The following ZNF521 variants were observed in gnomAD, a reference collection of about 807,000 sequenced individuals.
ZNF521 encodes the protein zinc finger protein 521, also known as LYST-interacting protein 3.
Under a neutral mutation model 105.5 loss-of-function variants are expected in ZNF521, and 14 were observed. That is an observed-to-expected ratio of 0.13 (90% CI 0.09 to 0.21). ZNF521 has a LOEUF of 0.21. ZNF521 is among the 10% of genes least tolerant of loss of function. The pLI is 1.00. For missense variants in ZNF521, 1,233 were observed against 1,629.7 expected (o/e 0.76, Z 4.19); for synonymous variants, 635 against 606.0 (o/e 1.05, Z -0.70).
intron 4 of ZNF521, among the ~76,000 whole-genome samples, chr18:25,217,719 A>T (rs929664975): frequency 1.3e-5 from 2 of 152,234 alleles, no homozygotes; most frequent in Non-Finnish European, 2.9e-5. Flanking sequence ...CAAGAATATG[A>T]GACTGAGTAA....
intron 7 of ZNF521, among the ~76,000 whole-genome samples, chr18:25,067,867 G>C (rs911520537): frequency 2.6e-5 from 4 of 152,018 alleles, no homozygotes; most frequent in Admixed American, 6.6e-5. Flanking sequence ...AAAATGTTAC[G>C]TATCAGTGGT....
intron 3 of ZNF521, among the ~76,000 whole-genome samples, chr18:25,246,885 T>TG (rs1444295379): frequency 3.3e-5 from 5 of 152,168 alleles, no homozygotes; most frequent in Non-Finnish European, 7.3e-5. Context: ...CAGAAGGGGT[T>TG]CCATAGTGCT....
intron 5 of ZNF521, among the ~76,000 whole-genome samples, chr18:25,162,079 A>G (rs945763755): frequency 6.6e-6 from 1 of 152,154 alleles, no homozygotes; most frequent in Non-Finnish European, 1.5e-5. Flanking sequence ...GAGAAACTCC[A>G]TTGCTGGGTC....
At chr18:25,170,383 A>G (rs1442244011) in intron 5 of ZNF521, among the ~76,000 whole-genome samples, 1 of 151,944 alleles carries the variant, frequency 6.6e-6, no homozygotes, top group East Asian at 1.9e-4. Flanking sequence ...CTGACTTCCC[A>G]TTAGAGTTTT....
intron 7 of ZNF521, among the ~76,000 whole-genome samples, chr18:25,072,426 T>C (rs544167630): frequency 1.5e-4 from 23 of 152,214 alleles, no homozygotes; most frequent in South Asian, 8.3e-4. Context: ...AGTAGTAAAA[T>C]TGTAGTTGCA....
intron 2 of ZNF521, among the ~76,000 whole-genome samples, chr18:25,330,172 CTTTTTT>C (rs1389513732): frequency 3.0e-5 from 4 of 135,288 alleles, no homozygotes; most frequent in Admixed American, 1.5e-4. Context: ...TTTTCTTTTT[CTTTTTT>C]TTTTGAGACA....
intron 3 of ZNF521, among the ~76,000 whole-genome samples, chr18:25,276,449 C>T (rs187056209): frequency 5.9e-5 from 9 of 152,216 alleles, no homozygotes; most frequent in Admixed American, 5.9e-4. Context: ...TATTTCCTTC[C>T]TACACAACAG....
At chr18:25,251,092 C>T (rs1233994263) in intron 3 of ZNF521, among the ~76,000 whole-genome samples, 3 of 152,156 alleles carry the variant, frequency 2.0e-5, no homozygotes, top group Non-Finnish European at 4.4e-5. Context: ...AAAGGACCTA[C>T]CTGTTCTCAA....
At chr18:25,210,023 G>A (rs1226489015) in intron 4 of ZNF521, among the ~76,000 whole-genome samples, 1 of 151,998 alleles carries the variant, frequency 6.6e-6, no homozygotes, top group African/African-American at 2.4e-5. Flanking sequence ...AGCATTAGAT[G>A]AAATAATTCT....
chr18:25,285,673 A>G (rs762776885), intron 3 of ZNF521, among the ~76,000 whole-genome samples: 1 of 150,832 alleles, frequency 6.6e-6, no homozygotes, highest in African/African-American at 2.4e-5. Context: ...CAGATTTTGT[A>G]GTTGCACTTC....
At chr18:25,151,130 T>C (rs536595026) in intron 5 of ZNF521, among the ~76,000 whole-genome samples, 7 of 152,090 alleles carry the variant, frequency 4.6e-5, no homozygotes, top group Non-Finnish European at 1.0e-4. Flanking sequence ...TAAAATCTGT[T>C]CAAAGCCTCT....
chr18:25,096,131 T>A (rs1198399953), intron 5 of ZNF521, among the ~76,000 whole-genome samples: 1 of 152,216 alleles, frequency 6.6e-6, no homozygotes, highest in African/African-American at 2.4e-5. Context: ...ACTGTGAACA[T>A]AAATGTAAAC....
intron 3 of ZNF521, among the ~76,000 whole-genome samples, chr18:25,234,427 G>A (rs1014536272): frequency 6.6e-6 from 1 of 152,150 alleles, no homozygotes; most frequent in African/African-American, 2.4e-5. Context: ...ATTTAAAGCA[G>A]TTTTTCATTG....
chr18:25,250,824 A>T (rs946647579), intron 3 of ZNF521, among the ~76,000 whole-genome samples: 3 of 152,218 alleles, frequency 2.0e-5, no homozygotes, highest in Non-Finnish European at 2.9e-5. Flanking sequence ...TCATGTAAAA[A>T]TCATGTCTCT....
chr18:25,265,000 C>T (rs1455931021), intron 3 of ZNF521, among the ~76,000 whole-genome samples: 1 of 152,164 alleles, frequency 6.6e-6, no homozygotes, highest in African/African-American at 2.4e-5. Flanking sequence ...AACCAACTAT[C>T]ACCGGGGAAA....
chr18:25,308,648 A>ACCCCCCCCCCCCCCCCCC (rs764455271), intron 3 of ZNF521, among the ~76,000 whole-genome samples: 1 of 116,302 alleles, frequency 8.6e-6, no homozygotes, highest in African/African-American at 3.1e-5. Flanking sequence ...CCTTAATGAC[A>ACCCCCCCCCCCCCCCCCC]TCCCCCCCCC....
At chr18:25,192,217 T>TA (rs1389296736) in intron 5 of ZNF521, among the ~76,000 whole-genome samples, 3 of 152,168 alleles carry the variant, frequency 2.0e-5, no homozygotes, top group African/African-American at 7.2e-5. Context: ...TTAATAGACA[T>TA]AAGTCAATTC....
intron 3 of ZNF521, among the ~76,000 whole-genome samples, chr18:25,301,187 C>G (rs1911623632): frequency 6.6e-6 from 1 of 152,118 alleles, no homozygotes; most frequent in South Asian, 2.1e-4. Flanking sequence ...GGGTCTCACA[C>G]AGGAGTAGAG....
At chr18:25,282,835 C>A (rs1260706030) in intron 3 of ZNF521, among the ~76,000 whole-genome samples, 1 of 152,038 alleles carries the variant, frequency 6.6e-6, no homozygotes, top group African/African-American at 2.4e-5. Context: ...AAGAATAAAG[C>A]ACTTTCCAGA....
Sources: allele counts gnomAD v4.1 joint callset (sites outside exome capture counted in the v4.1 genomes callset), GRCh38; gene constraint gnomAD v4.1.1; transcripts MANE v1.5; gene names NCBI Gene and HGNC (gene_info 2026-07-23, HGNC 2026-07-21).